The following ISX variants were observed in gnomAD, a reference collection of about 807,000 sequenced individuals.
ISX encodes intestine-specific homeobox.
In ISX, 15 loss-of-function variants were observed where a neutral mutation model predicts 16.9. That is an observed-to-expected ratio of 0.89 (90% CI 0.59 to 1.36). The LOEUF (loss-of-function observed/expected upper bound fraction) is 1.36. Among genes scored for constraint, ISX ranks in the 40% most tolerant of loss-of-function variants. The pLI, the probability that ISX is intolerant of heterozygous loss-of-function variation, is 0.00. For missense variants in ISX, 316 were observed against 306.1 expected, an observed-to-expected ratio of 1.03 and a Z score of -0.24; for synonymous variants, 125 against 119.7, an observed-to-expected ratio of 1.04 and a Z score of -0.29.
At position 35,072,588 on chromosome 22, in the gene ISX, A is replaced by G. The variant is rs140621513; in HGVS notation, c.229+5272A>G. Among the ~76,000 whole-genome samples, 897 of 152,336 alleles carry G rather than the reference A, an allele frequency of 5.9e-3. 9 individuals carry two copies. The highest frequency in any genetic ancestry group is 0.02 in the African/African-American group (846 of 41,564). ...TACAAGCCAGCCACTGACAACATCAACTACAATCATAGGGCCCAGAATGTC... is the reference window on the plus strand; with the variant it reads ...TACAAGCCAGCCACTGACAACATCAGCTACAATCATAGGGCCCAGAATGTC... On this transcript the variant is annotated intron_variant, in intron 2 of 4. Coordinates refer to ENST00000404699, the MANE Select transcript of ISX (RefSeq NM_001303508.2).
intron 2 of ISX, among the ~76,000 whole-genome samples, chr22:35,076,301 G>C (rs139635274): frequency 1.1e-4 from 16 of 152,282 alleles, no homozygotes; most frequent in African/African-American, 2.9e-4. Context: ...ATCTGGAAAT[G>C]GTCAGGTGGG....
At chr22:35,068,797 G>T (rs149954096) in intron 2 of ISX, among the ~76,000 whole-genome samples, 1,785 of 152,276 alleles carry the variant, frequency 0.012, 21 homozygotes, top group Non-Finnish European at 0.015. Context: ...TCGGATGGTG[G>T]TATATTCCTT....
intron 3 of ISX, among the ~76,000 whole-genome samples, chr22:35,083,233 G>T (rs561084848): frequency 6.6e-6 from 1 of 151,982 alleles, no homozygotes. Flanking sequence ...ATGTGAAAAC[G>T]ATTCTTAGTT....
Position 35,067,105 on chromosome 22 carries a change from C to T in ISX, c.18C>T (p.Gly6=). 3.7e-6 allele frequency: 6 copies of T among 1,613,662 alleles called. No individual in the cohort carries two copies. The highest frequency in any genetic ancestry group is 5.1e-6 in the Non-Finnish European group (6 of 1,179,862). Residue 6 remains glycine, a synonymous_variant, in exon 2 of 5, where the codon GGC becomes GGT. Coordinates refer to ENST00000404699, the MANE Select transcript of ISX (RefSeq NM_001303508.2). The stretch of plus-strand genomic sequence containing the variant: ...GCCCCTCAATGTGTGCTGAGGTGGG[C>T]CCTGCTCTCTGCAGGGGTATGGAGA... MCAEV[G]PALCRGMERN... is the part of the protein sequence containing the mutation.
At chr22:35,070,656 G>A (rs886758001) in intron 2 of ISX, among the ~76,000 whole-genome samples, 10 of 152,186 alleles carry the variant, frequency 6.6e-5, no homozygotes, top group African/African-American at 1.7e-4. Flanking sequence ...CCAGGCTGGG[G>A]GCTGGGGAGG....
intron 2 of ISX, among the ~76,000 whole-genome samples, chr22:35,071,407 G>T (rs1928850395): frequency 6.6e-6 from 1 of 152,296 alleles, no homozygotes; most frequent in South Asian, 2.1e-4. Flanking sequence ...TCCTTCTGGA[G>T]GCTCCAAGGG....
intron 4 of ISX, among the ~76,000 whole-genome samples, 178 bp downstream of exon 4, chr22:35,084,677 A>G (rs190134094): frequency 8.6e-5 from 13 of 151,626 alleles, no homozygotes; most frequent in Non-Finnish European, 1.3e-4. Flanking sequence ...GGCCTGGGAC[A>G]AGTGGCTGCC....
intron 2 of ISX, among the ~76,000 whole-genome samples, chr22:35,068,415 C>T (rs919192580): frequency 5.3e-5 from 8 of 152,194 alleles, no homozygotes; most frequent in African/African-American, 7.2e-5. Context: ...GGCTGTGTGT[C>T]TGCAGGCAGG....
At chr22:35,083,383 C>T (rs559629816) in intron 3 of ISX, among the ~76,000 whole-genome samples, 2 of 152,304 alleles carry the variant, frequency 1.3e-5, no homozygotes, top group African/African-American at 4.8e-5. Context: ...TGGTCTTGGT[C>T]GGAGACCTGG....
At chr22:35,069,416 CA>C (rs755395083) in intron 2 of ISX, among the ~76,000 whole-genome samples, 1 of 152,302 alleles carries the variant, frequency 6.6e-6, no homozygotes, top group Non-Finnish European at 1.5e-5. Flanking sequence ...GACCTCAAGC[CA>C]GTCACTTCCC....
chr22:35,084,254 G>C, intron 3 of ISX, 129 bp from the exon 4 acceptor site: 1 of 612,868 alleles, frequency 1.6e-6, no homozygotes, highest in South Asian at 2.5e-5. Context: ...AAGACATCCT[G>C]GATGCCACAG....
chr22:35,075,451 G>T (rs940927038), intron 2 of ISX, among the ~76,000 whole-genome samples: 15 of 152,148 alleles, frequency 9.9e-5, no homozygotes, highest in African/African-American at 3.6e-4. Flanking sequence ...TCATTGAGAT[G>T]CATGACCAGA....
At chr22:35,068,431 G>A (rs1928764748) in intron 2 of ISX, among the ~76,000 whole-genome samples, 1 of 152,346 alleles carries the variant, frequency 6.6e-6, no homozygotes, top group Non-Finnish European at 1.5e-5. Flanking sequence ...GCAGGAAGGA[G>A]CCTGGTGTGT....
At chr22:35,080,794 A>T (rs1929107083) in intron 2 of ISX, among the ~76,000 whole-genome samples, 1 of 152,254 alleles carries the variant, frequency 6.6e-6, no homozygotes, top group Non-Finnish European at 1.5e-5. Context: ...TGTGAAGAAC[A>T]GTTTTCAAAA....
intron 2 of ISX, among the ~76,000 whole-genome samples, chr22:35,077,652 A>G (rs1404119912): frequency 9.2e-5 from 14 of 152,098 alleles, no homozygotes; most frequent in Admixed American, 9.2e-4. Context: ...CCTCTCAAGG[A>G]CAAACATTTA....
intron 2 of ISX, among the ~76,000 whole-genome samples, chr22:35,076,021 C>A (rs1928970208): frequency 6.6e-6 from 1 of 151,906 alleles, no homozygotes; most frequent in Admixed American, 6.6e-5. Flanking sequence ...TTGATTGACT[C>A]ATAGAGACTC....
chr22:35,075,820 C>G (rs1262234547), intron 2 of ISX, among the ~76,000 whole-genome samples: 1 of 152,188 alleles, frequency 6.6e-6, no homozygotes. Flanking sequence ...TCTCAAGGGT[C>G]TCCTCCTAAT....
At chr22:35,080,528 C>T (rs1456325037) in intron 2 of ISX, among the ~76,000 whole-genome samples, 1 of 152,198 alleles carries the variant, frequency 6.6e-6, no homozygotes, top group Admixed American at 6.5e-5. Flanking sequence ...ATCAATCTCA[C>T]CTGACAGCCT....
At chr22:35,077,782 T>G (rs4821361) in intron 2 of ISX, among the ~76,000 whole-genome samples, 1 of 151,994 alleles carries the variant, frequency 6.6e-6, no homozygotes, top group African/African-American at 2.4e-5. Context: ...GAGCAGAGTT[T>G]AGATCCTTTC....
Sources: gnomAD v4.1 joint callset for allele counts (sites outside exome capture counted in the v4.1 genomes callset) on GRCh38, gnomAD v4.1.1 for gene constraint, MANE v1.5 for transcripts, NCBI Gene and HGNC (gene_info 2026-07-23, HGNC 2026-07-21) for gene names.